Variants in TRAPPC9 observed in about 807,000 individuals in gnomAD.
TRAPPC9 encodes trafficking protein particle complex subunit 9.
In TRAPPC9, 83 loss-of-function variants were observed where a neutral mutation model predicts 124.0. The ratio of observed to expected loss-of-function variants is 0.67; its 90% confidence interval spans 0.56 to 0.80. The LOEUF (loss-of-function observed/expected upper bound fraction) is 0.80, where lower values mean the gene tolerates loss of function less well. Ranked by LOEUF, TRAPPC9 falls within the 30% of genes least tolerant of loss-of-function variation. The pLI, the probability that TRAPPC9 is intolerant of heterozygous loss-of-function variation, is 0.00. For synonymous variants in TRAPPC9, 638 were observed against 617.5 expected (o/e 1.03, Z -0.49); for missense variants, 1,302 against 1,508.3 (o/e 0.86, Z 2.27).
chr8:140,256,487 T>C (rs1358917232), intron 15 of TRAPPC9, among the ~76,000 whole-genome samples: 2 of 152,252 alleles, frequency 1.3e-5, no homozygotes, highest in East Asian at 1.9e-4. Context: ...TCTCAAGCCA[T>C]GCCAGTTCTC....
At chr8:139,833,648 C>G (rs983139174) in intron 21 of TRAPPC9, among the ~76,000 whole-genome samples, 1 of 152,256 alleles carries the variant, frequency 6.6e-6, no homozygotes, top group Non-Finnish European at 1.5e-5. Context: ...CCTTCCCAGA[C>G]GTGGCCTTCC....
intron 21 of TRAPPC9, among the ~76,000 whole-genome samples, chr8:139,818,621 C>T (rs1825030852): frequency 6.6e-6 from 1 of 152,010 alleles, no homozygotes; most frequent in Admixed American, 6.6e-5. Context: ...CAGTGGTGTG[C>T]TGGTATATGT....
chr8:140,442,301 G>T (rs1329793395), intron 2 of TRAPPC9, among the ~76,000 whole-genome samples: 1 of 152,018 alleles, frequency 6.6e-6, no homozygotes, highest in Non-Finnish European at 1.5e-5. Context: ...ATTTTAAATT[G>T]TATAAAAACA....
At chr8:140,002,844 CAAAAAAAAAAA>C (rs56895763) in intron 18 of TRAPPC9, among the ~76,000 whole-genome samples, 2,249 of 69,098 alleles carry the variant, frequency 0.033, 78 homozygotes, top group African/African-American at 0.1. Flanking sequence ...TTCCACTTAT[CAAAAAAAAAAA>C]AAAAAAAAAA....
chr8:140,165,838 TC>T (rs1443342319), intron 17 of TRAPPC9, among the ~76,000 whole-genome samples: 1 of 152,012 alleles, frequency 6.6e-6, no homozygotes, highest in Non-Finnish European at 1.5e-5. Flanking sequence ...TCTGCCTACC[TC>T]CCCAGAATCA....
intron 5 of TRAPPC9, among the ~76,000 whole-genome samples, chr8:140,421,424 T>A (rs1014460806): frequency 2.0e-5 from 3 of 152,236 alleles, no homozygotes; most frequent in African/African-American, 7.2e-5. Flanking sequence ...CCATAATACG[T>A]CTAAGACATC....
At chr8:139,966,761 T>A (rs552277291) in intron 19 of TRAPPC9, among the ~76,000 whole-genome samples, 1 of 152,230 alleles carries the variant, frequency 6.6e-6, no homozygotes, top group Non-Finnish European at 1.5e-5. Context: ...AACAACAGCC[T>A]CATTTACATG....
At chr8:139,870,154 G>A (rs1828807855) in intron 21 of TRAPPC9, among the ~76,000 whole-genome samples, 1 of 152,202 alleles carries the variant, frequency 6.6e-6, no homozygotes, top group Non-Finnish European at 1.5e-5. Context: ...TATGAGAAAA[G>A]TGATTGGGAA....
At chr8:140,267,310 T>C (rs2064705669) in intron 15 of TRAPPC9, among the ~76,000 whole-genome samples, 1 of 152,122 alleles carries the variant, frequency 6.6e-6, no homozygotes, top group Admixed American at 6.6e-5. Context: ...CATGCAAACG[T>C]GGTCTGCAGA....
At position 140,283,948 on chromosome 8, in the gene TRAPPC9, G is replaced by A; in HGVS notation, c.2055C>T (p.Gly685=). Residue 685 remains glycine (G), a synonymous_variant, in exon 14 of 23, where the codon GGC becomes GGT. Transcript: ENST00000438773. ...ACGCGGGAATGACTTCCACTGTGGAGCCACTGGTTTTTATTCCCGGCAGGT... is the reference window on the plus strand; with the variant it reads ...ACGCGGGAATGACTTCCACTGTGGAACCACTGGTTTTTATTCCCGGCAGGT... ...LDNLPGIKTS[G]STVEVIPALP... 1.2e-6 allele frequency: 2 copies of A among 1,614,170 alleles called. No homozygotes were observed. Among genetic ancestry groups the A allele is most frequent in the Non-Finnish European group, 1.7e-6 (2 of 1,180,026 alleles).
intron 21 of TRAPPC9, among the ~76,000 whole-genome samples, chr8:139,829,032 G>A (rs1273361112): frequency 2.0e-5 from 3 of 152,110 alleles, no homozygotes; most frequent in Non-Finnish European, 2.9e-5. Flanking sequence ...ATTTGGAGAC[G>A]CAGAATGGAG....
intron 16 of TRAPPC9, among the ~76,000 whole-genome samples, chr8:140,239,243 C>G (rs902684940): frequency 1.1e-4 from 17 of 152,006 alleles, no homozygotes; most frequent in African/African-American, 3.9e-4. Context: ...CACAGGCAGG[C>G]GGGCAGCTGG....
chr8:140,014,838 G>T (rs80189675), intron 18 of TRAPPC9, among the ~76,000 whole-genome samples: 5 of 152,200 alleles, frequency 3.3e-5, no homozygotes, highest in African/African-American at 4.8e-5. Flanking sequence ...GAGGGTTCTC[G>T]GGAGTGTGCA....
At chr8:140,134,984 C>T (rs752401780) in intron 17 of TRAPPC9, among the ~76,000 whole-genome samples, 3 of 151,986 alleles carry the variant, frequency 2.0e-5, no homozygotes, top group Non-Finnish European at 2.9e-5. Flanking sequence ...AAAAAATAAC[C>T]CATATTAAAA....
chr8:139,995,521 T>C (rs1837909181), intron 18 of TRAPPC9, among the ~76,000 whole-genome samples: 1 of 152,114 alleles, frequency 6.6e-6, no homozygotes. Flanking sequence ...CTGATTTCCT[T>C]CTCTGTGCCT....
chr8:140,248,605 A>G (rs988980523), intron 16 of TRAPPC9, among the ~76,000 whole-genome samples: 1 of 152,174 alleles, frequency 6.6e-6, no homozygotes, highest in Non-Finnish European at 1.5e-5. Flanking sequence ...TTTCTATTCT[A>G]GTTGTTCAGT....
At chr8:140,409,001 A>G (rs1178910426) in intron 5 of TRAPPC9, among the ~76,000 whole-genome samples, 3 of 152,204 alleles carry the variant, frequency 2.0e-5, no homozygotes, top group Non-Finnish European at 4.4e-5. Flanking sequence ...TCAACCACAT[A>G]AAAACTCAGC....
intron 19 of TRAPPC9, among the ~76,000 whole-genome samples, chr8:139,942,870 C>A (rs185834039): frequency 2.1e-4 from 32 of 152,188 alleles, no homozygotes; most frequent in African/African-American, 7.7e-4. Flanking sequence ...GAGTTTGGGG[C>A]AACCACAGCA....
At chr8:139,844,929 C>T (rs1006972293) in intron 21 of TRAPPC9, among the ~76,000 whole-genome samples, 1 of 152,142 alleles carries the variant, frequency 6.6e-6, no homozygotes, top group Admixed American at 6.5e-5. Context: ...AGTTCATCAC[C>T]CCGTCCCCAG....
Sources: gnomAD v4.1 joint callset for allele counts (sites outside exome capture counted in the v4.1 genomes callset) on GRCh38, gnomAD v4.1.1 for gene constraint, MANE v1.5 for transcripts, NCBI Gene and HGNC (gene_info 2026-07-23, HGNC 2026-07-21) for gene names.